The following EWSR1 variants were observed in gnomAD, a reference collection of about 807,000 sequenced individuals.
EWSR1 encodes RNA-binding protein EWS.
Under a neutral mutation model 92.1 loss-of-function variants are expected in EWSR1, and 14 were observed. The observed-to-expected ratio is 0.15, with a 90% confidence interval of 0.10 to 0.24. The LOEUF (loss-of-function observed/expected upper bound fraction) is 0.24. EWSR1 is among the 10% of genes least tolerant of loss of function. The pLI is 1.00. For missense variants in EWSR1, 637 were observed against 870.9 expected (o/e 0.73, Z 3.38); for synonymous variants, 303 against 292.9 (o/e 1.03, Z -0.35).
At chr22:29,286,566 A>C (rs1025526278) in intron 6 of EWSR1, among the ~76,000 whole-genome samples, 1 of 151,552 alleles carries the variant, frequency 6.6e-6, no homozygotes, top group Admixed American at 6.6e-5. Flanking sequence ...GGGCACCTGT[A>C]GTCCCAGCTA....
chr22:29,299,708 AGGTGGCTTCCGT>A lies in EWSR1; in HGVS notation c.1795_1806del (p.Phe599_Gly602del). On this transcript the variant is annotated inframe_deletion, in exon 16 of 17. Transcript: ENST00000397938. ...TCAGAGGTGGCCGTGGTGGAGACAGAGGTGGCTTCCGTGGTGGCCGGGGCATGGACCGAGGTG... is the reference window on the plus strand; with the variant it reads ...TCAGAGGTGGCCGTGGTGGAGACAGAGGTGGCCGGGGCATGGACCGAGGTG... 1.2e-6 allele frequency: 2 copies of A among 1,612,184 alleles called. No individual in the cohort carries two copies. The highest frequency in any genetic ancestry group is 8.5e-7 in the Non-Finnish European group (1 of 1,179,114).
At chr22:29,269,352 C>T (rs1448490886) in intron 1 of EWSR1, 3 of 152,240 alleles carry the variant, frequency 2.0e-5, no homozygotes, top group African/African-American at 2.4e-5. Flanking sequence ...AAGGCACTTG[C>T]AAGCAAGCCC....
At chr22:29,270,042 T>C (rs1461539979) in intron 1 of EWSR1, among the ~76,000 whole-genome samples, 1 of 152,204 alleles carries the variant, frequency 6.6e-6, no homozygotes, top group Admixed American at 6.5e-5. Flanking sequence ...ATACAGAAGT[T>C]AGGCTAGACC....
chr22:29,283,568 C>T (rs2059784781), intron 6 of EWSR1, among the ~76,000 whole-genome samples: 1 of 150,994 alleles, frequency 6.6e-6, no homozygotes, highest in South Asian at 2.1e-4. Flanking sequence ...TCTTGTTGCC[C>T]AGGCTGGAGT....
At chr22:29,282,680 T>G (rs943719372) in intron 6 of EWSR1, 123 bp downstream of exon 6, 1 of 725,246 alleles carries the variant, frequency 1.4e-6, no homozygotes, top group Non-Finnish European at 2.0e-6. Context: ...TGATAAGTCA[T>G]CTGACCATAC....
intron 4 of EWSR1, chr22:29,276,668 A>AGTTTT (rs950044942): frequency 3.9e-5 from 9 of 228,844 alleles, no homozygotes; most frequent in South Asian, 1.8e-4. Context: ...CCTAGACCAA[A>AGTTTT]GTTTTGTTTT....
At chr22:29,269,083 C>T (rs1425730735) in intron 1 of EWSR1, 1 of 152,236 alleles carries the variant, frequency 6.6e-6, no homozygotes. Flanking sequence ...AATTAAGTGG[C>T]TTCCCAGGGC....
chr22:29,292,850 C>T (rs1159942339), intron 11 of EWSR1, among the ~76,000 whole-genome samples: 1 of 148,454 alleles, frequency 6.7e-6, no homozygotes, highest in Non-Finnish European at 1.5e-5. Context: ...ACTGCAACCT[C>T]TGTTCAAGCG....
At chr22:29,293,048 G>A (rs181941266) in intron 11 of EWSR1, among the ~76,000 whole-genome samples, 3 of 151,890 alleles carry the variant, frequency 2.0e-5, no homozygotes, top group African/African-American at 2.4e-5. Context: ...CCCTACGCCC[G>A]GCCTTCCCTC....
chr22:29,286,559 C>T (rs1236687608), intron 6 of EWSR1, among the ~76,000 whole-genome samples: 4 of 151,676 alleles, frequency 2.6e-5, no homozygotes, highest in Non-Finnish European at 5.9e-5. Context: ...TGGTGGTGGG[C>T]ACCTGTAGTC....
At chr22:29,279,856 T>C (rs147758566) in intron 5 of EWSR1, among the ~76,000 whole-genome samples, 1 of 152,350 alleles carries the variant, frequency 6.6e-6, no homozygotes, top group African/African-American at 2.4e-5. Context: ...TCCCATTTGA[T>C]ACTCTGATGC....
At chr22:29,285,699 A>G (rs2059971483) in intron 6 of EWSR1, among the ~76,000 whole-genome samples, 1 of 151,210 alleles carries the variant, frequency 6.6e-6, no homozygotes, top group East Asian at 1.9e-4. Flanking sequence ...CTTGGAACTG[A>G]ATGCCTCACT....
chr22:29,273,603 T>G, intron 3 of EWSR1, 138 bp from the exon 4 acceptor site: 4 of 927,816 alleles, frequency 4.3e-6, no homozygotes, highest in South Asian at 1.8e-5. Flanking sequence ...ATTTGTCTTG[T>G]TTTGTTGTTT....
In EWSR1 at chr22:29,273,671, T is replaced by TAGAAACTTAAACAGC. The variant is rs1020662409; in HGVS notation, c.103-68_103-67insAAACTTAAACAGCAG. ...TGTTTTTGATTTTGGTTCTCCAATT[T>TAGAAACTTAAACAGC]AGTCCATTTTATTGCTAAAATACAA... On this transcript the variant is annotated intron_variant, in intron 3 of 16. Transcript: ENST00000397938. 131 of 1,547,256 alleles carry TAGAAACTTAAACAGC rather than the reference T, an allele frequency of 8.5e-5. No individual in the cohort carries two copies. In the African/African-American group the frequency reaches 1.6e-3, roughly 19 times the overall value.
At chr22:29,272,179 T>C in intron 1 of EWSR1, 37 bp from the exon 2 acceptor site, 1 of 1,601,522 alleles carries the variant, frequency 6.2e-7, no homozygotes, top group Non-Finnish European at 8.6e-7. Flanking sequence ...TTGTTTCTGC[T>C]AACTTTACAC....
intron 4 of EWSR1, chr22:29,274,238 C>G (rs2058927454): frequency 1.2e-6 from 2 of 1,613,310 alleles, no homozygotes; most frequent in African/African-American, 1.3e-5. Flanking sequence ...AGTGTACCCT[C>G]TACTTTTTGT....
chr22:29,287,819 A>C (rs989077080), intron 7 of EWSR1, among the ~76,000 whole-genome samples: 1 of 152,208 alleles, frequency 6.6e-6, no homozygotes, highest in Admixed American at 6.5e-5. Context: ...ATTGCAGGCC[A>C]CTATGATTTT....
intron 11 of EWSR1, chr22:29,295,533 G>GT (rs1177125492): frequency 1.4e-5 from 3 of 217,844 alleles, no homozygotes; most frequent in African/African-American, 6.7e-5. Flanking sequence ...TCAGTTTTTA[G>GT]GTATCACGTT....
chr22:29,277,396 AAAAG>A (rs1236742937), intron 4 of EWSR1: 5 of 223,190 alleles, frequency 2.2e-5, no homozygotes, highest in Non-Finnish European at 4.5e-5. Context: ...AATTTACAAA[AAAAG>A]GATAAACTGT....
Sources: gnomAD v4.1 joint callset for allele counts (sites outside exome capture counted in the v4.1 genomes callset) on GRCh38, gnomAD v4.1.1 for gene constraint, MANE v1.5 for transcripts, NCBI Gene and HGNC (gene_info 2026-07-23, HGNC 2026-07-21) for gene names.